CNTNAP5: variants seen among roughly 807,000 people sequenced by gnomAD.
CNTNAP5 encodes the protein contactin associated protein family member 5.
A neutral mutation model predicts 150.2 loss-of-function variants in CNTNAP5; 72 were observed. The ratio of observed to expected loss-of-function variants is 0.48; its 90% CI spans 0.40 to 0.58. CNTNAP5 has a LOEUF of 0.58. Ranked by LOEUF, CNTNAP5 falls within the 20% of genes least tolerant of loss-of-function variation. CNTNAP5 has a pLI of 0.00. For missense variants in CNTNAP5, 1,636 were observed against 1,626.2 expected (o/e 1.01, Z -0.10); for synonymous variants, 672 against 619.8 (o/e 1.08, Z -1.25).
At chr2:124,526,788 T>A (rs1694978057) in intron 9 of CNTNAP5, among the ~76,000 whole-genome samples, 1 of 152,192 alleles carries the variant, frequency 6.6e-6, no homozygotes, top group African/African-American at 2.4e-5. Flanking sequence ...TGTGTGTACC[T>A]TTCTCAGGAA....
chr2:124,270,700 CAT>C (rs1491230785), intron 3 of CNTNAP5, among the ~76,000 whole-genome samples: 24 of 149,506 alleles, frequency 1.6e-4, no homozygotes, highest in South Asian at 6.3e-4. Context: ...TGCTTGCGTG[CAT>C]GTGTGTGTGT....
intron 21 of CNTNAP5, among the ~76,000 whole-genome samples, chr2:124,893,549 C>T (rs1678244582): frequency 6.6e-6 from 1 of 152,070 alleles, no homozygotes; most frequent in Admixed American, 6.6e-5. Context: ...CTGGTGGAAG[C>T]TCCATAATTA....
At position 124,440,749 on chromosome 2, in the gene CNTNAP5, A is replaced by T. The variant is rs1005524202; in HGVS notation, c.734-6004A>T. On this transcript the variant is annotated intron_variant, in intron 5 of 23. Coordinates refer to ENST00000682447, the MANE Select transcript of CNTNAP5 (RefSeq NM_001367498.1). ...CCCCATGAAAACAAGTTTTTATTTC[A>T]TTAGAAATAATTATTTCCCTTATCT... 5.3e-5 allele frequency among the ~76,000 whole-genome samples: 8 copies of T among 152,234 alleles called. No homozygotes were observed. In the East Asian group the frequency reaches 1.5e-3, roughly 29 times the overall value.
chr2:124,301,135 C>T (rs931449419), intron 3 of CNTNAP5, among the ~76,000 whole-genome samples: 2 of 152,180 alleles, frequency 1.3e-5, no homozygotes, highest in Non-Finnish European at 2.9e-5. Flanking sequence ...AGATGTTGAT[C>T]TGTAATTGCT....
At chr2:124,562,700 A>AT (rs1695920954) in intron 10 of CNTNAP5, among the ~76,000 whole-genome samples, 1 of 152,190 alleles carries the variant, frequency 6.6e-6, no homozygotes, top group Admixed American at 6.5e-5. Flanking sequence ...ATGATAAAAT[A>AT]CCCTTGCATT....
chr2:124,706,432 G>T (rs936354977), intron 13 of CNTNAP5, among the ~76,000 whole-genome samples: 2 of 151,912 alleles, frequency 1.3e-5, no homozygotes, highest in Admixed American at 1.3e-4. Context: ...TTGCTTATTT[G>T]TCATGATTTC....
In CNTNAP5 at chr2:124,619,908, C is replaced by CATATAT. The variant is rs10540154; in HGVS notation, c.1876+10011_1876+10016dup. Among the ~76,000 whole-genome samples, 656 of 115,512 alleles carry CATATAT rather than the reference C, an allele frequency of 5.7e-3. 44 individuals carry two copies. Among genetic ancestry groups the CATATAT allele is most frequent in the African/African-American group, 0.028 (608 of 21,892 alleles). The allele number at this position is 115,512 out of a possible 152,430, so 75.8% of individuals were successfully genotyped here. A position where few individuals can be genotyped will look rare whatever the true frequency, so the allele number is the denominator to read the frequency against. On this transcript the variant is annotated intron_variant, in intron 12 of 23. Transcript: ENST00000682447. ...ATACTCCTTCTCTCACTGTCTCATT[C>CATATAT]ATATATATATATATATATATATATA...
Position 124,919,924 on chromosome 2 carries a change from T to C in CNTNAP5, c.*5636T>C, listed in dbSNP as rs558095009. Among the ~76,000 whole-genome samples the C allele has an allele frequency of 1.1e-4, 17 of 152,146 alleles. No homozygotes were observed. The highest frequency in any genetic ancestry group is 3.9e-4 in the African/African-American group (16 of 41,538). On this transcript the variant is annotated 3_prime_UTR_variant, in exon 24 of 24. Transcript: ENST00000682447. ...TCAGAGCCCCTGTGAGTGGAAGTCC[T>C]CAGATTCTGGAATCCATCCAGTGTC...
intron 10 of CNTNAP5, among the ~76,000 whole-genome samples, chr2:124,533,826 G>C (rs1160368935): frequency 2.0e-5 from 3 of 152,174 alleles, no homozygotes; most frequent in Non-Finnish European, 4.4e-5. Context: ...TCGGCTGGAG[G>C]AAAGTGTGGT....
intron 11 of CNTNAP5, among the ~76,000 whole-genome samples, chr2:124,604,539 A>G (rs1043215494): frequency 1.3e-5 from 2 of 152,224 alleles, no homozygotes. Flanking sequence ...AGCATCAACC[A>G]TGTAACTCGC....
rs140419724 is a variant in CNTNAP5, at chr2:124,782,443, T to A, written c.2753-7459T>A. On this transcript the variant is annotated intron_variant, in intron 17 of 23. Coordinates refer to ENST00000682447, the MANE Select transcript of CNTNAP5 (RefSeq NM_001367498.1). ...TGATACCTTTTTCTGTACTAGAAGG[T>A]CATGTGGACCTTAAACAGTAGGAAA... Among the ~76,000 whole-genome samples the A allele has an allele frequency of 4.5e-3, 691 of 152,328 alleles. 4 individuals are homozygous for A. Among genetic ancestry groups the A allele is most frequent in the Non-Finnish European group, 7.5e-3 (510 of 68,034 alleles).
chr2:124,526,053 C>T (rs1241700991), intron 9 of CNTNAP5, among the ~76,000 whole-genome samples: 2 of 152,158 alleles, frequency 1.3e-5, no homozygotes, highest in Non-Finnish European at 2.9e-5. Context: ...GGAAAAAACG[C>T]TATCTTGCAT....
At chr2:124,082,635 A>T (rs961484560) in intron 1 of CNTNAP5, among the ~76,000 whole-genome samples, 1 of 152,206 alleles carries the variant, frequency 6.6e-6, no homozygotes, top group Non-Finnish European at 1.5e-5. Context: ...GCTTTGTATA[A>T]TCATAATTTT....
At chr2:124,421,830 G>T (rs536985189) in intron 4 of CNTNAP5, among the ~76,000 whole-genome samples, 1 of 152,112 alleles carries the variant, frequency 6.6e-6, no homozygotes, top group Non-Finnish European at 1.5e-5. Flanking sequence ...AAGTCCCCCC[G>T]ACTGTTCCTC....
chr2:124,464,505 G>A (rs565368618), intron 6 of CNTNAP5, among the ~76,000 whole-genome samples: 73 of 152,224 alleles, frequency 4.8e-4, no homozygotes, highest in African/African-American at 1.7e-3. Context: ...AATAAGGCAT[G>A]ATATGTACTA....
At position 124,914,236 on chromosome 2, in the gene CNTNAP5, A is replaced by G. The variant is rs1447635719; in HGVS notation, c.3872A>G (p.Glu1291Gly). Reference sequence around the variant, plus strand: ...AATTTGGACAGTTCCTTCAGAAATGAAATTGACTTGCAAAACACAGTGAGC... The same window carrying G: ...AATTTGGACAGTTCCTTCAGAAATGGAATTGACTTGCAAAACACAGTGAGC... ...PENLDSSFRN[E>G]IDLQNTVSEC... Residue 1291 changes from glutamate to glycine, a missense_variant, in exon 24 of 24, where the codon GAA becomes GGA. Physicochemically the swap from Glu to Gly is moderately conservative, Grantham distance 98 (BLOSUM62 -2). Coordinates refer to ENST00000682447, the MANE Select transcript of CNTNAP5 (RefSeq NM_001367498.1). 1 of 1,612,490 alleles carries G rather than the reference A, an allele frequency of 6.2e-7. No individual in the cohort carries two copies. Among genetic ancestry groups the G allele is most frequent in the Non-Finnish European group, 8.5e-7 (1 of 1,179,072 alleles).
At chr2:124,107,692 A>T (rs1219249228) in intron 1 of CNTNAP5, among the ~76,000 whole-genome samples, 1 of 152,232 alleles carries the variant, frequency 6.6e-6, no homozygotes. Context: ...TTGTGCTAGC[A>T]ATGTGTGTGA....
At chr2:124,583,435 C>T (rs1573474695) in intron 11 of CNTNAP5, among the ~76,000 whole-genome samples, 1 of 152,192 alleles carries the variant, frequency 6.6e-6, no homozygotes, top group African/African-American at 2.4e-5. Flanking sequence ...CTCTCCAATG[C>T]CACCTGGCTT....
intron 1 of CNTNAP5, among the ~76,000 whole-genome samples, chr2:124,051,535 A>G (rs1323135321): frequency 4.6e-5 from 7 of 152,228 alleles, no homozygotes; most frequent in African/African-American, 1.7e-4. Flanking sequence ...TGTTAATACA[A>G]TGTCCATCTC....
Sources: gnomAD v4.1 joint callset for allele counts (sites outside exome capture counted in the v4.1 genomes callset) on GRCh38, gnomAD v4.1.1 for gene constraint, MANE v1.5 for transcripts, NCBI Gene and HGNC (gene_info 2026-07-23, HGNC 2026-07-21) for gene names.